MALRD1: variants seen among roughly 807,000 people sequenced by gnomAD.
The protein encoded by MALRD1 is MAM and LDL receptor class A domain containing 1, also known as MAM and LDL-receptor class A domain-containing protein 1.
A neutral mutation model predicts 242.1 loss-of-function variants in MALRD1; 247 were observed. The observed-to-expected ratio is 1.02, with a 90% CI of 0.92 to 1.13. The LOEUF is 1.13. Among genes scored for constraint, MALRD1 ranks in the 50% most tolerant of loss-of-function variants. The pLI is 0.00. For missense variants in MALRD1, 2,989 were observed against 2,533.1 expected, an observed-to-expected ratio of 1.18 and a Z score of -3.86; for synonymous variants, 995 against 866.6, an observed-to-expected ratio of 1.15 and a Z score of -2.60.
intron 10 of MALRD1, among the ~76,000 whole-genome samples, chr10:19,140,545 G>A (rs200782537): frequency 4.8e-4 from 21 of 43,348 alleles, no homozygotes; most frequent in East Asian, 4.0e-3. Flanking sequence ...GTGTGTGTAT[G>A]TGTGTGTGTG....
intron 31 of MALRD1, among the ~76,000 whole-genome samples, chr10:19,504,663 CATTTTT>C (rs1564397382): frequency 2.3e-5 from 3 of 128,696 alleles, no homozygotes; most frequent in South Asian, 4.9e-4. Flanking sequence ...TATTGTAACA[CATTTTT>C]TTTTTTTTTT....
chr10:19,514,140 C>T (rs907382320), intron 31 of MALRD1, among the ~76,000 whole-genome samples: 1 of 152,100 alleles, frequency 6.6e-6, no homozygotes, highest in African/African-American at 2.4e-5. Context: ...ATGGCCATGG[C>T]TTAAAGATCT....
At chr10:19,243,108 G>T (rs1169401649) in intron 18 of MALRD1, among the ~76,000 whole-genome samples, 7 of 137,130 alleles carry the variant, frequency 5.1e-5, no homozygotes, top group African/African-American at 1.1e-4. Context: ...ATTTCTTTCT[G>T]GTTAGTGAAA....
At chr10:19,651,369 C>T (rs1022907095) in intron 36 of MALRD1, among the ~76,000 whole-genome samples, 6 of 152,042 alleles carry the variant, frequency 3.9e-5, no homozygotes, top group African/African-American at 1.4e-4. Context: ...TGTTTCATCC[C>T]TCAACTATGT....
At chr10:19,576,525 A>G (rs1836834779) in intron 33 of MALRD1, among the ~76,000 whole-genome samples, 1 of 152,206 alleles carries the variant, frequency 6.6e-6, no homozygotes, top group South Asian at 2.1e-4. Context: ...CAAAATACAT[A>G]AATTCATACA....
In MALRD1 at chr10:19,163,162, A is replaced by AAAG. The variant is rs1278652459; in HGVS notation, c.1657-2473_1657-2472insGAA. 2.3e-4 allele frequency among the ~76,000 whole-genome samples: 33 copies of AAAG among 145,084 alleles called. 1 individual carries two copies. Among genetic ancestry groups the AAAG allele is most frequent in the African/African-American group, 9.1e-4 (33 of 36,410 alleles). On this transcript the variant is annotated intron_variant, in intron 12 of 39. Coordinates refer to ENST00000454679, the MANE Select transcript of MALRD1 (RefSeq NM_001142308.3). ...TAAAAAAAAAAAAAAAAAAAAAAAA[A>AAAG]AAAGACATCATTCTATCATAAAGAT...
At chr10:19,180,109 T>G (rs10508576) in intron 14 of MALRD1, among the ~76,000 whole-genome samples, 29,143 of 152,164 alleles carry the variant, frequency 0.19, 3,064 homozygotes, top group Admixed American at 0.27. Flanking sequence ...TTTTATTGAT[T>G]ACCTATACCC....
intron 21 of MALRD1, among the ~76,000 whole-genome samples, chr10:19,318,018 G>A (rs995695405): frequency 3.3e-5 from 5 of 151,930 alleles, no homozygotes; most frequent in East Asian, 1.9e-4. Context: ...CCTACTTCCC[G>A]CTCTGTATGA....
intron 31 of MALRD1, among the ~76,000 whole-genome samples, chr10:19,525,956 G>T (rs1589196272): frequency 6.6e-6 from 1 of 152,202 alleles, no homozygotes; most frequent in East Asian, 1.9e-4. Flanking sequence ...ATAAATAGCT[G>T]TTCTGTGAAT....
At chr10:19,721,786 T>C (rs559471343) in intron 38 of MALRD1, 1 of 152,386 alleles carries the variant, frequency 6.6e-6, no homozygotes, top group East Asian at 1.9e-4. Context: ...CCTAATCTAC[T>C]GCACTCTGCT....
At chr10:19,442,997 G>T (rs1459618399) in intron 28 of MALRD1, among the ~76,000 whole-genome samples, 1 of 152,078 alleles carries the variant, frequency 6.6e-6, no homozygotes, top group Non-Finnish European at 1.5e-5. Context: ...CAATTTCAGA[G>T]CCTGATATTG....
rs971302360 is a variant in MALRD1, at chr10:19,331,341, T to C, written c.3688-28T>C. The C allele has an allele frequency of 2.0e-6, 3 of 1,534,386 alleles. No individual in the cohort carries two copies. The African/African-American group carries it at 4.1e-5, about 21-fold the overall frequency. ...AGGTTTTGAACTTCTTGATTGACAGTTTAACTGTAACTGGCTTTTTTTTTT... is the reference window on the plus strand; with the variant it reads ...AGGTTTTGAACTTCTTGATTGACAGCTTAACTGTAACTGGCTTTTTTTTTT... On this transcript the variant is annotated intron_variant, in intron 23 of 39. Coordinates refer to ENST00000454679, the MANE Select transcript of MALRD1 (RefSeq NM_001142308.3).
At chr10:19,612,619 TA>T (rs767494429) in intron 35 of MALRD1, among the ~76,000 whole-genome samples, 99 of 149,740 alleles carry the variant, frequency 6.6e-4, no homozygotes, top group African/African-American at 1.6e-3. Flanking sequence ...GTAGTTTATT[TA>T]AAAAAAAAAT....
chr10:19,446,460 A>T (rs1384810167), intron 28 of MALRD1, among the ~76,000 whole-genome samples: 1 of 152,222 alleles, frequency 6.6e-6, no homozygotes, highest in East Asian at 1.9e-4. Context: ...ATGGCTAGTT[A>T]TTTGGGAAAA....
At chr10:19,355,944 G>A (rs1367160340) in intron 26 of MALRD1, among the ~76,000 whole-genome samples, 1 of 146,240 alleles carries the variant, frequency 6.8e-6, no homozygotes, top group East Asian at 2.0e-4. Context: ...ATATATATAT[G>A]CTAGGGTTAG....
intron 29 of MALRD1, among the ~76,000 whole-genome samples, chr10:19,455,175 G>A (rs542962799): frequency 1.3e-5 from 2 of 152,226 alleles, no homozygotes; most frequent in African/African-American, 4.8e-5. Flanking sequence ...TTTAAAAATG[G>A]TTTGTACAGA....
At chr10:19,135,877 G>A (rs915314341) in intron 9 of MALRD1, among the ~76,000 whole-genome samples, 1 of 152,124 alleles carries the variant, frequency 6.6e-6, no homozygotes, top group Non-Finnish European at 1.5e-5. Flanking sequence ...TCTTACACTT[G>A]ACCAGCAATG....
At chr10:19,065,936 C>G (rs540288206) in intron 1 of MALRD1, among the ~76,000 whole-genome samples, 37 of 152,172 alleles carry the variant, frequency 2.4e-4, no homozygotes, top group African/African-American at 8.7e-4. Context: ...TTCTGATATG[C>G]CTGCATGGCA....
At chr10:19,224,706 T>C (rs2131675182) in intron 18 of MALRD1, among the ~76,000 whole-genome samples, 1 of 152,332 alleles carries the variant, frequency 6.6e-6, no homozygotes, top group Non-Finnish European at 1.5e-5. Context: ...TGTAAATTTG[T>C]TTAAGTTCCT....
Sources: gnomAD v4.1 joint callset for allele counts (sites outside exome capture counted in the v4.1 genomes callset) on GRCh38, gnomAD v4.1.1 for gene constraint, MANE v1.5 for transcripts, NCBI Gene and HGNC (gene_info 2026-07-23, HGNC 2026-07-21) for gene names.